Variants in DHTKD1 observed in about 807,000 individuals in gnomAD.
DHTKD1 encodes 2-oxoadipate dehydrogenase complex component E1.
DHTKD1 carries 78 observed loss-of-function variants against 101.8 expected under a neutral mutation model. That is an observed-to-expected ratio of 0.77 (90% CI 0.64 to 0.93). The LOEUF (loss-of-function observed/expected upper bound fraction) is 0.93, where lower values mean the gene tolerates loss of function less well. DHTKD1 is among the 40% of genes least tolerant of loss of function. The pLI is 0.00. For synonymous variants in DHTKD1, 462 were observed against 450.3 expected (o/e 1.03, Z -0.33); for missense variants, 1,223 against 1,161.7 (o/e 1.05, Z -0.77).
intron 13 of DHTKD1, 46 bp downstream of exon 13, chr10:12,113,110 T>C (rs1833361352): frequency 6.7e-7 from 1 of 1,493,202 alleles, no homozygotes; most frequent in African/African-American, 1.4e-5. Context: ...TGTCATTTTT[T>C]GCACTCCATT....
intron 1 of DHTKD1, among the ~76,000 whole-genome samples, chr10:12,074,177 GT>G (rs1832689711): frequency 6.6e-6 from 1 of 151,226 alleles, no homozygotes; most frequent in African/African-American, 2.4e-5. Context: ...TTTGCTTTTT[GT>G]TTTGTTTTGT....
At chr10:12,089,755 C>T (rs934459631) in intron 5 of DHTKD1, among the ~76,000 whole-genome samples, 1 of 152,142 alleles carries the variant, frequency 6.6e-6, no homozygotes, top group African/African-American at 2.4e-5. Flanking sequence ...ACTGCAACCT[C>T]TGCCTCCTGG....
intron 13 of DHTKD1, among the ~76,000 whole-genome samples, chr10:12,115,764 CT>C (rs1402544473): frequency 6.6e-6 from 1 of 151,840 alleles, no homozygotes; most frequent in African/African-American, 2.4e-5. Context: ...TGATGGGGCT[CT>C]TTTTTTTCTT....
At position 12,112,884 on chromosome 10, in the gene DHTKD1, G is replaced by A; in HGVS notation, c.2155-16G>A. ...GATCTGAACATTCTTCTCCTTTCTT[G>A]CCACTTCTCTCCCAGATGTGTGACA... On this transcript the variant is annotated splice_polypyrimidine_tract_variant and intron_variant, in intron 12 of 16. Coordinates refer to ENST00000263035, the MANE Select transcript of DHTKD1 (RefSeq NM_018706.7). The A allele has an allele frequency of 6.3e-7, 1 of 1,579,702 alleles. No homozygotes were observed. The highest frequency in any genetic ancestry group is 8.6e-7 in the Non-Finnish European group (1 of 1,162,906).
chr10:12,118,575 G>A (rs1289467018), intron 14 of DHTKD1, among the ~76,000 whole-genome samples, 174 bp from the exon 15 acceptor site: 1 of 151,748 alleles, frequency 6.6e-6, no homozygotes, highest in East Asian at 2.0e-4. Context: ...GTAGAGACAG[G>A]GTTTCACCGT....
intron 7 of DHTKD1, among the ~76,000 whole-genome samples, chr10:12,095,448 T>A (rs1833051457): frequency 6.7e-6 from 1 of 149,816 alleles, no homozygotes; most frequent in Non-Finnish European, 1.5e-5. Flanking sequence ...GAGGCCAAGG[T>A]GGGTGGATCA....
chr10:12,091,198 G>A (rs1832984565), intron 5 of DHTKD1, among the ~76,000 whole-genome samples: 1 of 151,976 alleles, frequency 6.6e-6, no homozygotes, highest in Admixed American at 6.6e-5. Context: ...ATCACCTGAG[G>A]TCAGAAGTTT....
intron 1 of DHTKD1, among the ~76,000 whole-genome samples, chr10:12,074,510 C>G (rs187666810): frequency 9.5e-4 from 144 of 152,100 alleles, no homozygotes; most frequent in Middle Eastern, 6.8e-3. Flanking sequence ...TGCCCGCCAC[C>G]ATGCCCGGCT....
chr10:12,070,483 GTCTC>G (rs113653116), intron 1 of DHTKD1, among the ~76,000 whole-genome samples: 4 of 152,134 alleles, frequency 2.6e-5, no homozygotes, highest in African/African-American at 7.2e-5. Context: ...TCATATCTCT[GTCTC>G]TCTCTCTTTT....
chr10:12,085,345 A>G (rs1261917825), intron 3 of DHTKD1, among the ~76,000 whole-genome samples: 1 of 152,152 alleles, frequency 6.6e-6, no homozygotes, highest in African/African-American at 2.4e-5. Flanking sequence ...AAGAGAGGGA[A>G]TTGAGCCATT....
At chr10:12,098,099 T>C (rs1833102432) in intron 8 of DHTKD1, 103 bp downstream of exon 8, 2 of 1,104,220 alleles carry the variant, frequency 1.8e-6, no homozygotes, top group Non-Finnish European at 2.6e-6. Flanking sequence ...TTGACAAATA[T>C]TTATTGTGTG....
chr10:12,085,286 G>A (rs1252823050), intron 3 of DHTKD1, among the ~76,000 whole-genome samples: 1 of 151,976 alleles, frequency 6.6e-6, no homozygotes, highest in Admixed American at 6.6e-5. Flanking sequence ...CTCCAGCCTG[G>A]GTGACAGAGC....
chr10:12,085,585 G>C (rs963833914), intron 3 of DHTKD1, among the ~76,000 whole-genome samples: 1 of 152,010 alleles, frequency 6.6e-6, no homozygotes, highest in Non-Finnish European at 1.5e-5. Flanking sequence ...ACTTACTTAA[G>C]ACCTTACTTC....
At position 12,081,486 on chromosome 10, in the gene DHTKD1, G is replaced by A; in HGVS notation, c.169G>A (p.Ala57Thr). The change falls in exon 2 of 17, where the codon GCC (alanine) becomes ACC (threonine). Residue 57 changes from alanine to threonine, a missense_variant. Coordinates refer to ENST00000263035, the MANE Select transcript of DHTKD1 (RefSeq NM_018706.7). ...CCCTGATTTAGTTGATCATGGCCTT[G>A]CCAGGTTGGTGACAGTATATTGTGA... Reference protein sequence around the residue: ...LERPPVDHGLARLVTVYCEHG... With the variant: ...LERPPVDHGLTRLVTVYCEHG... The A allele has an allele frequency of 6.2e-7, 1 of 1,614,038 alleles. No individual in the cohort carries two copies. The highest frequency in any genetic ancestry group is 8.5e-7 in the Non-Finnish European group (1 of 1,179,978).
intron 5 of DHTKD1, 96 bp from the exon 6 acceptor site, chr10:12,091,411 CAAAAAA>C (rs71382619): frequency 2.6e-5 from 5 of 193,090 alleles, no homozygotes; most frequent in South Asian, 1.6e-4. Flanking sequence ...GACTCTGTCT[CAAAAAA>C]AAAAAAAAAA....
At chr10:12,080,345 A>G (rs1832797034) in intron 1 of DHTKD1, among the ~76,000 whole-genome samples, 1 of 151,478 alleles carries the variant, frequency 6.6e-6, no homozygotes, top group African/African-American at 2.4e-5. Flanking sequence ...TGCATAGAAT[A>G]CAAACCCAAG....
At position 12,087,768 on chromosome 10, in the gene DHTKD1, A is replaced by T. The variant is rs771357681; in HGVS notation, c.717+39A>T. On this transcript the variant is annotated intron_variant, in intron 4 of 16. Transcript: ENST00000263035. The surrounding 1 kb of genome is among the most constrained non-coding windows in gnomAD (Gnocchi z 5.2). Reference sequence around the variant, plus strand: ...CTGTGTTTCTCAGTAGCACTATATGATTGATTGTAACAGAATAAAACTGCT... The same window carrying T: ...CTGTGTTTCTCAGTAGCACTATATGTTTGATTGTAACAGAATAAAACTGCT... 1 of 1,488,758 alleles carries T rather than the reference A, an allele frequency of 6.7e-7. No individual in the cohort carries two copies. The highest frequency in any genetic ancestry group is 9.0e-7 in the Non-Finnish European group (1 of 1,107,064). 92.2% of individuals were successfully genotyped at this position (1,488,758 alleles called of 1,614,324 possible). A position where few individuals can be genotyped will look rare whatever the true frequency, so the allele number is the denominator to read the frequency against.
intron 8 of DHTKD1, 23 bp downstream of exon 8, chr10:12,098,019 G>A (rs1833100420): frequency 1.9e-6 from 3 of 1,577,992 alleles, no homozygotes; most frequent in Non-Finnish European, 2.6e-6. Flanking sequence ...CAAATGGCTG[G>A]TTATTGCTTC....
Position 12,122,817 on chromosome 10 carries a change from G to T in DHTKD1, c.*1929G>T, listed in dbSNP as rs114245461. ...AGCTTCACCTGACTCAGTGCTGGGG[G>T]CCTCTACCATCTACTGTGCTTGTGT... On this transcript the variant is annotated 3_prime_UTR_variant, in exon 17 of 17. Transcript: ENST00000263035. The T allele has an allele frequency of 3.9e-5, 6 of 152,098 alleles. No individual in the cohort carries two copies. The East Asian group carries it at 5.8e-4, about 15-fold the overall frequency. 9.4% of individuals were successfully genotyped at this position (152,098 alleles called of 1,614,324 possible).
Sources: gnomAD v4.1 joint callset for allele counts (sites outside exome capture counted in the v4.1 genomes callset) on GRCh38, gnomAD v4.1.1 for gene constraint, Gnocchi (gnomAD v3.1) non-coding constraint, MANE v1.5 for transcripts, NCBI Gene and HGNC (gene_info 2026-07-23, HGNC 2026-07-21) for gene names.